COL12A1: variants seen among roughly 807,000 people sequenced by gnomAD.
COL12A1 encodes collagen alpha-1(XII) chain.
COL12A1 carries 114 observed loss-of-function variants against 349.7 expected under a neutral mutation model. The ratio of observed to expected loss-of-function variants is 0.33; its 90% CI spans 0.28 to 0.38. The LOEUF (loss-of-function observed/expected upper bound fraction) is 0.38. Among genes scored for constraint, COL12A1 ranks in the 10% least tolerant of loss-of-function variants. The pLI is 1.00. For synonymous variants in COL12A1, 1,369 were observed against 1,329.0 expected, an observed-to-expected ratio of 1.03 and a Z score of -0.66; for missense variants, 3,284 against 3,756.9, an observed-to-expected ratio of 0.87 and a Z score of 3.29.
At chr6:75,121,479 T>C (rs1383767451) in intron 43 of COL12A1, 38 bp from the exon 44 acceptor site, 3 of 1,481,938 alleles carry the variant, frequency 2.0e-6, no homozygotes, top group South Asian at 1.4e-5. Flanking sequence ...CCAAATCTCA[T>C]GAATTCTTTC....
chr6:75,108,914 T>A, intron 52 of COL12A1, 104 bp downstream of exon 52: 1 of 1,261,618 alleles, frequency 7.9e-7, no homozygotes, highest in Non-Finnish European at 1.1e-6. Context: ...AACTTAAAAC[T>A]CACTGAGAAA....
intron 14 of COL12A1, 26 bp from the exon 15 acceptor site, chr6:75,156,549 T>C (rs759019989): frequency 3.1e-6 from 5 of 1,602,982 alleles, no homozygotes; most frequent in Middle Eastern, 1.7e-4. Flanking sequence ...AAGATTAAAC[T>C]GTATACCATG....
At chr6:75,161,815 A>T (rs1768041442) in intron 14 of COL12A1, among the ~76,000 whole-genome samples, 1 of 152,222 alleles carries the variant, frequency 6.6e-6, no homozygotes, top group Admixed American at 6.5e-5. Context: ...AAGTCTCAGG[A>T]TACAAAATCA....
chr6:75,095,102 G>A lies in COL12A1; in HGVS notation c.8649+6C>T, dbSNP rs1037107431. 2 of 1,613,542 alleles carry A rather than the reference G, an allele frequency of 1.2e-6. No individual in the cohort carries two copies. The highest frequency in any genetic ancestry group is 3.3e-5 in the Admixed American group (2 of 59,938). ...CTGTCAGTAGACATGCAAGCTGTCC[G>A]CTTACTGGTCTGCCATGATCTCCAG... On this transcript the variant is annotated splice_donor_region_variant and intron_variant, in intron 60 of 65. Transcript: ENST00000322507.
In COL12A1 at chr6:75,121,444, G is replaced by A; in HGVS notation, c.6947-3C>T. The A allele has an allele frequency of 6.5e-7, 1 of 1,536,660 alleles. No individual in the cohort carries two copies. Among genetic ancestry groups the A allele is most frequent in the Non-Finnish European group, 8.8e-7 (1 of 1,134,806 alleles). ...ATCTGCCTTGGCCCCTTTGCATACT[G>A]CAAAAAAAGAAAGCAGAGGAAGCCC... On this transcript the variant is annotated splice_region_variant and splice_polypyrimidine_tract_variant and intron_variant, in intron 43 of 65. Transcript: ENST00000322507.
Position 75,189,645 on chromosome 6 carries a change from T to C in COL12A1, c.565A>G (p.Arg189Gly). The C allele has an allele frequency of 6.2e-7, 1 of 1,613,406 alleles. No homozygotes were observed. The highest frequency in any genetic ancestry group is 8.5e-7 in the Non-Finnish European group (1 of 1,179,468). The stretch of plus-strand genomic sequence containing the variant: ...TACTGATTTAAGTTAAATTCAGTCC[T>C]GGTATCAGAGCTGTATTGAACAACT... ...VGVVQYSSDT[R>G]TEFNLNQYYQ... is the part of the protein sequence containing the mutation. Residue 189 changes from arginine to glycine, a missense_variant, in exon 6 of 66, where the codon AGG becomes GGG. By Grantham distance (125) the Arg-to-Gly change is moderately radical. Coordinates refer to ENST00000322507, the MANE Select transcript of COL12A1 (RefSeq NM_004370.6).
At chr6:75,154,587 G>A (rs879549152) in intron 16 of COL12A1, 50 bp from the exon 17 acceptor site, 11 of 1,518,000 alleles carry the variant, frequency 7.2e-6, no homozygotes, top group Non-Finnish European at 9.7e-6. Context: ...AGGCTCAAGT[G>A]GTAGCACTTT....
At chr6:75,178,455 T>C (rs555068584) in intron 11 of COL12A1, among the ~76,000 whole-genome samples, 3 of 152,186 alleles carry the variant, frequency 2.0e-5, no homozygotes, top group African/African-American at 4.8e-5. Context: ...AATTCAACCA[T>C]ACACAGGATG....
At chr6:75,186,796 A>G (rs1418077820) in intron 8 of COL12A1, among the ~76,000 whole-genome samples, 4 of 152,180 alleles carry the variant, frequency 2.6e-5, no homozygotes, top group Non-Finnish European at 5.9e-5. Flanking sequence ...CATGAAAAAG[A>G]ACAAGATCAT....
intron 55 of COL12A1, 27 bp from the exon 56 acceptor site, chr6:75,102,719 A>T (rs776706886): frequency 1.4e-6 from 2 of 1,455,620 alleles, no homozygotes; most frequent in East Asian, 5.0e-5. Flanking sequence ...AGAGACAACC[A>T]CAAAGTAATG....
rs1359233721 is a variant in COL12A1 at position 75,155,478 on chromosome 6, CT to C, written c.3443+183del. Among the ~76,000 whole-genome samples, 23 of 152,252 alleles carry C rather than the reference CT, an allele frequency of 1.5e-4. 1 individual carries two copies. The South Asian group carries it at 3.9e-3, about 26-fold the overall frequency. On this transcript the variant is annotated intron_variant, in intron 16 of 65. Coordinates refer to ENST00000322507, the MANE Select transcript of COL12A1 (RefSeq NM_004370.6). Reference sequence around the variant, plus strand: ...CAGGCCTAAATTCTGTTGCTGACCCCTGAATCCTAACTTCAACTCCAGCAGC... The same window carrying C: ...CAGGCCTAAATTCTGTTGCTGACCCCGAATCCTAACTTCAACTCCAGCAGC...
chr6:75,092,287 A>G (rs1767808844), intron 60 of COL12A1, among the ~76,000 whole-genome samples: 2 of 152,172 alleles, frequency 1.3e-5, no homozygotes, highest in African/African-American at 4.8e-5. Context: ...TAGCACGTGT[A>G]TACCTATGTA....
intron 58 of COL12A1, among the ~76,000 whole-genome samples, chr6:75,100,720 T>C (rs532643859): frequency 1.3e-5 from 2 of 152,330 alleles, no homozygotes; most frequent in African/African-American, 4.8e-5. Flanking sequence ...CTCTGCCCAA[T>C]GGTGTCTTGG....
At chr6:75,096,515 A>G (rs1768032753) in intron 59 of COL12A1, among the ~76,000 whole-genome samples, 1 of 152,210 alleles carries the variant, frequency 6.6e-6, no homozygotes, top group Non-Finnish European at 1.5e-5. Flanking sequence ...TTTTAGTTGT[A>G]GATAAAACTG....
intron 44 of COL12A1, 49 bp from the exon 45 acceptor site, chr6:75,119,522 G>T (rs1769251381): frequency 1.9e-6 from 3 of 1,553,684 alleles, no homozygotes; most frequent in Non-Finnish European, 2.6e-6. Context: ...CTCATTTTAT[G>T]TTTCAATCTT....
intron 14 of COL12A1, among the ~76,000 whole-genome samples, chr6:75,163,347 T>C (rs917897636): frequency 6.6e-6 from 1 of 152,092 alleles, no homozygotes; most frequent in Non-Finnish European, 1.5e-5. Context: ...AAAGGATGAG[T>C]TCATGTCCTT....
At chr6:75,191,433 A>G (rs1487443409) in intron 5 of COL12A1, among the ~76,000 whole-genome samples, 1 of 152,000 alleles carries the variant, frequency 6.6e-6, no homozygotes, top group Non-Finnish European at 1.5e-5. Context: ...AAAATCCTGC[A>G]GGAAAGGTTG....
intron 12 of COL12A1, 105 bp downstream of exon 12, chr6:75,177,558 T>C: frequency 7.1e-7 from 1 of 1,412,464 alleles, no homozygotes; most frequent in South Asian, 1.2e-5. Context: ...ACTCAAACAA[T>C]TGAAACAAAG....
At chr6:75,128,530 T>C (rs1429794375) in intron 37 of COL12A1, 105 bp from the exon 38 acceptor site, 37 of 978,164 alleles carry the variant, frequency 3.8e-5, no homozygotes, top group Non-Finnish European at 5.0e-5. Flanking sequence ...GTAGTTTTTT[T>C]CACATTTTAT....
Sources: gnomAD v4.1 joint callset for allele counts (sites outside exome capture counted in the v4.1 genomes callset) on GRCh38, gnomAD v4.1.1 for gene constraint, MANE v1.5 for transcripts, NCBI Gene and HGNC (gene_info 2026-07-23, HGNC 2026-07-21) for gene names.